ADRA1B: variants seen among roughly 807,000 people sequenced by gnomAD.
The protein encoded by ADRA1B is alpha-1B adrenergic receptor.
A neutral mutation model predicts 17.9 loss-of-function variants in ADRA1B; 17 were observed. The observed-to-expected ratio is 0.95, with a 90% CI of 0.65 to 1.42. The LOEUF is 1.42. Among genes scored for constraint, ADRA1B ranks in the 40% most tolerant of loss-of-function variants. ADRA1B has a pLI of 0.00. For missense variants in ADRA1B, 681 were observed against 722.1 expected, an observed-to-expected ratio of 0.94 and a Z score of 0.65; for synonymous variants, 366 against 327.6, an observed-to-expected ratio of 1.12 and a Z score of -1.27.
intron 1 of ADRA1B, among the ~76,000 whole-genome samples, chr5:159,966,974 G>A (rs1755787387): frequency 6.6e-6 from 1 of 152,188 alleles, no homozygotes; most frequent in Admixed American, 6.5e-5. Flanking sequence ...ACTTTGACAA[G>A]GAAATATCTT....
chr5:159,882,819 A>C (rs1037851398), intron 1 of ADRA1B, among the ~76,000 whole-genome samples: 1 of 152,174 alleles, frequency 6.6e-6, no homozygotes, highest in African/African-American at 2.4e-5. Context: ...TGTAACTGTT[A>C]GGGCAATTTA....
chr5:159,918,227 G>A (rs991324951), intron 1 of ADRA1B, among the ~76,000 whole-genome samples: 1 of 152,188 alleles, frequency 6.6e-6, no homozygotes, highest in African/African-American at 2.4e-5. Context: ...CACTAATGCA[G>A]CATACAAAAT....
intron 1 of ADRA1B, among the ~76,000 whole-genome samples, chr5:159,888,688 A>G (rs1179343596): frequency 1.3e-5 from 2 of 152,168 alleles, no homozygotes; most frequent in Non-Finnish European, 2.9e-5. Flanking sequence ...TGGAACAAAG[A>G]TGAGACTGTG....
intron 1 of ADRA1B, among the ~76,000 whole-genome samples, chr5:159,944,906 A>G (rs756910547): frequency 4.6e-5 from 7 of 152,158 alleles, no homozygotes; most frequent in Non-Finnish European, 1.0e-4. Context: ...TGAAGCTTAC[A>G]GTCCTGAGGG....
At chr5:159,966,425 G>A (rs924704754) in intron 1 of ADRA1B, among the ~76,000 whole-genome samples, 6 of 152,182 alleles carry the variant, frequency 3.9e-5, no homozygotes, top group African/African-American at 1.4e-4. Flanking sequence ...CTTAGGGACA[G>A]TATGAAACTG....
chr5:159,903,001 T>G (rs1208695670), intron 1 of ADRA1B, among the ~76,000 whole-genome samples: 1 of 152,118 alleles, frequency 6.6e-6, no homozygotes, highest in Non-Finnish European at 1.5e-5. Context: ...GGCCCATGAA[T>G]CTGTGCTGCA....
chr5:159,963,308 A>ATATATATATATATATATATATATATC (rs1491526458), intron 1 of ADRA1B, among the ~76,000 whole-genome samples: 1 of 149,662 alleles, frequency 6.7e-6, no homozygotes, highest in African/African-American at 2.5e-5. Flanking sequence ...ATATATATAT[A>ATATATATATATATATATATATATATC]TCCACACACA....
intron 1 of ADRA1B, among the ~76,000 whole-genome samples, chr5:159,968,202 C>T (rs1338581727): frequency 6.6e-6 from 1 of 151,902 alleles, no homozygotes; most frequent in Non-Finnish European, 1.5e-5. Context: ...TCTCTTGATC[C>T]AAAAAAATGG....
intron 1 of ADRA1B, 96 bp downstream of exon 1, chr5:159,917,950 A>T: frequency 9.5e-7 from 1 of 1,054,144 alleles, no homozygotes; most frequent in Non-Finnish European, 1.4e-6. Flanking sequence ...TTTGTTTCTT[A>T]TGCAGTCTGT....
intron 1 of ADRA1B, among the ~76,000 whole-genome samples, chr5:159,909,800 G>C (rs1754209614): frequency 6.6e-6 from 1 of 152,170 alleles, no homozygotes; most frequent in Admixed American, 6.5e-5. Context: ...ACAACAGAGA[G>C]GCTCCTCAAA....
rs149394778 is a variant in ADRA1B at position 159,874,665 on chromosome 5, A to AT, written c.-256+9460dup. ...TTAATTTGATGACCTGGAGGCAAAC[A>AT]TGAAGATTTCCAATTTAACAGCCTG... On this transcript the variant is annotated intron_variant, in intron 1 of 2. Transcript: ENST00000641205. Among the ~76,000 whole-genome samples, 363 of 152,346 alleles carry AT rather than the reference A, an allele frequency of 2.4e-3. 1 individual carries two copies. Among genetic ancestry groups the AT allele is most frequent in the Non-Finnish European group, 3.3e-3 (225 of 68,024 alleles).
chr5:159,890,154 C>T (rs957663778), intron 1 of ADRA1B, among the ~76,000 whole-genome samples: 2 of 152,158 alleles, frequency 1.3e-5, no homozygotes, highest in African/African-American at 4.8e-5. Context: ...TTCTGCCTCT[C>T]CCTCAAGGAT....
At chr5:159,976,623 T>G (rs1581077144), downstream of ADRA1B, among the ~76,000 whole-genome samples, 3 of 139,076 alleles carry the variant, frequency 2.2e-5, no homozygotes, top group African/African-American at 8.2e-5. Context: ...CCAAGATAAC[T>G]CCCAGAACGA....
chr5:159,910,583 C>T lies in ADRA1B; in HGVS notation c.-255-5536C>T, dbSNP rs146955499. ...AGGGAGTAAATATTTTAGGCTTTAC[C>T]GGACAGACGGTCTCTGTTGCAGCTA... On this transcript the variant is annotated intron_variant, in intron 1 of 2. Coordinates refer to the ADRA1B transcript ENST00000641205. Among the ~76,000 whole-genome samples, 815 of 152,254 alleles carry T rather than the reference C, an allele frequency of 5.4e-3. 11 individuals are homozygous for T. The highest frequency in any genetic ancestry group is 0.019 in the African/African-American group (777 of 41,540).
chr5:159,962,934 TC>T (rs374320374), intron 1 of ADRA1B, among the ~76,000 whole-genome samples: 16,401 of 98,992 alleles, frequency 0.17, 1,843 homozygotes, highest in Non-Finnish European at 0.19. Flanking sequence ...TCTTTTCTTT[TC>T]TTTTTTTTTT....
intron 1 of ADRA1B, among the ~76,000 whole-genome samples, chr5:159,927,274 G>A (rs1754682540): frequency 6.6e-6 from 1 of 152,044 alleles, no homozygotes; most frequent in Non-Finnish European, 1.5e-5. Context: ...CCCTGCAGAA[G>A]CAGGAAAAGA....
chr5:159,889,336 C>T (rs539870568), intron 1 of ADRA1B, among the ~76,000 whole-genome samples: 123 of 152,060 alleles, frequency 8.1e-4, no homozygotes, highest in African/African-American at 2.8e-3. Context: ...CTCCCCATCA[C>T]AAATACACAT....
At chr5:159,889,157 G>A (rs1048298162) in intron 1 of ADRA1B, among the ~76,000 whole-genome samples, 1 of 152,190 alleles carries the variant, frequency 6.6e-6, no homozygotes, top group Non-Finnish European at 1.5e-5. Flanking sequence ...TACCAAGGGA[G>A]CCTGGGGTCG....
chr5:159,880,281 A>G (rs1753849570), intron 1 of ADRA1B, among the ~76,000 whole-genome samples: 1 of 152,210 alleles, frequency 6.6e-6, no homozygotes, highest in African/African-American at 2.4e-5. Context: ...ACCCTCACCT[A>G]TAACAGAGAA....
Sources: allele counts gnomAD v4.1 joint callset (sites outside exome capture counted in the v4.1 genomes callset), GRCh38; gene constraint gnomAD v4.1.1; transcripts MANE v1.5; gene names NCBI Gene and HGNC (gene_info 2026-07-23, HGNC 2026-07-21).